PLCL1: variants seen among roughly 807,000 people sequenced by gnomAD.
The protein encoded by PLCL1 is inactive phospholipase C-like protein 1.
In PLCL1, 41 loss-of-function variants were observed where a neutral mutation model predicts 84.4. That is an observed-to-expected ratio of 0.49 (90% CI 0.38 to 0.63). The LOEUF is 0.63. PLCL1 is among the 30% of genes least tolerant of loss of function. The pLI is 0.00. For synonymous variants in PLCL1, 490 were observed against 488.3 expected, an observed-to-expected ratio of 1.00 and a Z score of -0.05; for missense variants, 1,206 against 1,367.8, an observed-to-expected ratio of 0.88 and a Z score of 1.87.
At chr2:197,915,169 G>C (rs901102205) in intron 1 of PLCL1, among the ~76,000 whole-genome samples, 5 of 152,180 alleles carry the variant, frequency 3.3e-5, no homozygotes, top group African/African-American at 7.2e-5. Context: ...TTAGAGCCTA[G>C]AAGGGGTTTA....
At chr2:198,134,475 CT>C (rs1694206613) in intron 5 of PLCL1, among the ~76,000 whole-genome samples, 1 of 152,100 alleles carries the variant, frequency 6.6e-6, no homozygotes, top group Admixed American at 6.6e-5. Context: ...GAAGTTGCCC[CT>C]TTAGAAATAT....
At chr2:198,113,937 A>G (rs1808850) in intron 5 of PLCL1, among the ~76,000 whole-genome samples, 132,744 of 151,720 alleles carry the variant, frequency 0.87, 58,182 homozygotes, top group East Asian at 1. Flanking sequence ...GCTTATAGTT[A>G]CAGAGGAGGA....
chr2:198,058,737 T>C (rs1031595557), intron 1 of PLCL1, among the ~76,000 whole-genome samples: 19 of 152,194 alleles, frequency 1.2e-4, no homozygotes, highest in African/African-American at 4.3e-4. Context: ...TATAGATAGG[T>C]CAGTTTCAAA....
intron 1 of PLCL1, among the ~76,000 whole-genome samples, chr2:197,948,807 A>T (rs1689332037): frequency 1.3e-5 from 2 of 152,194 alleles, no homozygotes; most frequent in Admixed American, 1.3e-4. Flanking sequence ...CTGTAGAATG[A>T]ATCCACTGAA....
In PLCL1 at chr2:197,938,931, A is replaced by G. The variant is rs187036187; in HGVS notation, c.240+133592A>G. Among the ~76,000 whole-genome samples, 50 of 152,312 alleles carry G rather than the reference A, an allele frequency of 3.3e-4. No individual in the cohort carries two copies. In the East Asian group the frequency reaches 8.7e-3, roughly 26 times the overall value. On this transcript the variant is annotated intron_variant, in intron 1 of 5. Coordinates refer to ENST00000428675, the MANE Select transcript of PLCL1 (RefSeq NM_006226.4). ...ATATTAAGAGTGGAAAGATAAATAG[A>G]AATAAGAACATTTGAGTTTGTGAAC...
intron 1 of PLCL1, among the ~76,000 whole-genome samples, chr2:197,842,708 A>G (rs1339070882): frequency 6.6e-6 from 1 of 152,114 alleles, no homozygotes; most frequent in African/African-American, 2.4e-5. Context: ...TCTCAGATCC[A>G]CAATCAACTC....
At chr2:198,016,589 A>G (rs1310741749) in intron 1 of PLCL1, among the ~76,000 whole-genome samples, 2 of 152,244 alleles carry the variant, frequency 1.3e-5, no homozygotes, top group East Asian at 3.9e-4. Context: ...CCTGATCTAT[A>G]GCTTCCTCGA....
chr2:197,805,401 G>A lies in PLCL1; in HGVS notation c.240+62G>A. 3 of 1,297,696 alleles carry A rather than the reference G, an allele frequency of 2.3e-6. No homozygotes were observed. Among genetic ancestry groups the A allele is most frequent in the African/African-American group, 1.5e-5 (1 of 65,032 alleles). The allele number at this position is 1,297,696 out of a possible 1,614,324, so 80.4% of individuals were successfully genotyped here. ...GGGTGATGGGTGGGTCAGGGACCCG[G>A]GCAGGATGTGCGGTGTCCGGAGGCA... On this transcript the variant is annotated intron_variant, in intron 1 of 5. Transcript: ENST00000428675. This position sits in a 1 kb window ranked among gnomAD's most constrained non-coding sequence, Gnocchi z 4.0.
chr2:197,845,532 G>A (rs1227855048), intron 1 of PLCL1, among the ~76,000 whole-genome samples: 1 of 152,080 alleles, frequency 6.6e-6, no homozygotes, highest in Non-Finnish European at 1.5e-5. Flanking sequence ...GAATGAGGAC[G>A]TGGTCAGCCT....
chr2:198,084,644 G>A lies in PLCL1; in HGVS notation c.1127G>A (p.Gly376Asp). ...CAAAAAGGGTTTCTTGCAATTGATG[G>A]CTTTACCCAGTATTTATTGTCATCA... ...GRQKGFLAID[G>D]FTQYLLSSEC... is the part of the protein sequence containing the mutation. Residue 376 changes from glycine (G) to aspartate (D), a missense_variant, in exon 2 of 6, where the codon GGC (glycine) becomes GAC (aspartate). Transcript: ENST00000428675. The A allele has an allele frequency of 6.2e-7, 1 of 1,614,032 alleles. No homozygotes were observed. Among genetic ancestry groups the A allele is most frequent in the Non-Finnish European group, 8.5e-7 (1 of 1,179,974 alleles).
chr2:198,001,976 A>G (rs537577743), intron 1 of PLCL1: 4 of 441,456 alleles, frequency 9.1e-6, no homozygotes, highest in Non-Finnish European at 1.4e-5. Context: ...TTGCAGGAAA[A>G]CAGCTCAGAG....
At chr2:197,827,757 C>T in intron 1 of PLCL1, among the ~76,000 whole-genome samples, 1 of 152,124 alleles carries the variant, frequency 6.6e-6, no homozygotes, top group East Asian at 1.9e-4. Context: ...TCAAGATTTA[C>T]ATTGTTTTCC....
chr2:197,904,247 G>T (rs529108483), intron 1 of PLCL1, among the ~76,000 whole-genome samples: 14 of 152,272 alleles, frequency 9.2e-5, no homozygotes, highest in African/African-American at 3.4e-4. Context: ...TGTTTCCTTT[G>T]GAGTTCTGCA....
intron 5 of PLCL1, among the ~76,000 whole-genome samples, chr2:198,127,307 T>C (rs1038761233): frequency 7.9e-5 from 12 of 152,200 alleles, no homozygotes; most frequent in African/African-American, 2.9e-4. Flanking sequence ...CAACAGATTA[T>C]TTAAACCTGA....
chr2:197,834,294 T>A (rs1691135257), intron 1 of PLCL1, among the ~76,000 whole-genome samples: 1 of 152,086 alleles, frequency 6.6e-6, no homozygotes, highest in Non-Finnish European at 1.5e-5. Flanking sequence ...AAGCCAAAAT[T>A]GACAAATGGG....
intron 1 of PLCL1, among the ~76,000 whole-genome samples, chr2:197,964,596 T>C (rs1289122193): frequency 1.3e-5 from 2 of 152,138 alleles, no homozygotes; most frequent in Non-Finnish European, 2.9e-5. Flanking sequence ...TATTTCTCTC[T>C]TGTCTGATTG....
intron 1 of PLCL1, among the ~76,000 whole-genome samples, chr2:197,981,785 G>A (rs144091614): frequency 6.6e-6 from 1 of 152,256 alleles, no homozygotes; most frequent in African/African-American, 2.4e-5. Context: ...CATGATAAAA[G>A]TTAGGGCCAT....
intron 2 of PLCL1, among the ~76,000 whole-genome samples, chr2:198,086,759 A>G (rs1020126378): frequency 1.6e-4 from 24 of 152,372 alleles, no homozygotes; most frequent in African/African-American, 5.8e-4. Context: ...AAGATGTAGC[A>G]AAATGCTGTA....
chr2:197,928,320 C>A (rs1365809675), intron 1 of PLCL1, among the ~76,000 whole-genome samples: 1 of 152,058 alleles, frequency 6.6e-6, no homozygotes, highest in Non-Finnish European at 1.5e-5. Context: ...ATTAAGCAAG[C>A]AAATGTTGCT....
Sources: allele counts gnomAD v4.1 joint callset (sites outside exome capture counted in the v4.1 genomes callset), GRCh38; gene constraint gnomAD v4.1.1; non-coding constraint Gnocchi (gnomAD v3.1); transcripts MANE v1.5; gene names NCBI Gene and HGNC (gene_info 2026-07-23, HGNC 2026-07-21).